GPC6: variants seen among roughly 807,000 people sequenced by gnomAD.
GPC6 encodes glypican-6.
A neutral mutation model predicts 55.2 loss-of-function variants in GPC6; 14 were observed. The ratio of observed to expected loss-of-function variants is 0.25; its 90% CI spans 0.17 to 0.40. The LOEUF is 0.40. Among genes scored for constraint, GPC6 ranks in the 10% least tolerant of loss-of-function variants. The probability of loss-of-function intolerance (pLI) is 1.00; values close to 1 mark genes in which losing one functional copy is unlikely to be tolerated. For synonymous variants in GPC6, 278 were observed against 259.6 expected, an observed-to-expected ratio of 1.07 and a Z score of -0.68; for missense variants, 641 against 708.5, an observed-to-expected ratio of 0.90 and a Z score of 1.08.
At chr13:94,330,310 G>T (rs1312955494) in intron 6 of GPC6, among the ~76,000 whole-genome samples, 2 of 152,200 alleles carry the variant, frequency 1.3e-5, no homozygotes, top group Non-Finnish European at 2.9e-5. Context: ...AAGTGACCTT[G>T]GGCGAGTCAG....
At chr13:93,288,451 C>G (rs1389291242) in intron 1 of GPC6, among the ~76,000 whole-genome samples, 1 of 152,056 alleles carries the variant, frequency 6.6e-6, no homozygotes, top group East Asian at 1.9e-4. Flanking sequence ...GTCTTTAAAA[C>G]TTTCTTTTTT....
At chr13:93,375,035 G>T (rs200120457) in intron 1 of GPC6, among the ~76,000 whole-genome samples, 6 of 152,056 alleles carry the variant, frequency 3.9e-5, no homozygotes. Context: ...TCTTCCATTC[G>T]TCTGTCCCTT....
intron 2 of GPC6, among the ~76,000 whole-genome samples, chr13:93,607,611 A>T (rs1256386400): frequency 1.3e-5 from 2 of 152,182 alleles, no homozygotes; most frequent in East Asian, 3.9e-4. Flanking sequence ...GACATGGCAG[A>T]ATGATGGTGG....
At chr13:93,367,890 A>C (rs1487442441) in intron 1 of GPC6, among the ~76,000 whole-genome samples, 2 of 152,102 alleles carry the variant, frequency 1.3e-5, no homozygotes, top group Non-Finnish European at 2.9e-5. Flanking sequence ...TGAGCTCTTG[A>C]AAAGAATGTG....
At chr13:93,686,543 C>G (rs566759889) in intron 2 of GPC6, among the ~76,000 whole-genome samples, 1 of 152,176 alleles carries the variant, frequency 6.6e-6, no homozygotes, top group South Asian at 2.1e-4. Flanking sequence ...GGCATATAAT[C>G]TTGGTTTCAC....
intron 2 of GPC6, among the ~76,000 whole-genome samples, chr13:93,576,922 T>G (rs1876694548): frequency 6.6e-6 from 1 of 152,172 alleles, no homozygotes; most frequent in Non-Finnish European, 1.5e-5. Flanking sequence ...TATCATGTCT[T>G]ATGATTGAAT....
chr13:93,596,524 A>G (rs1040017310), intron 2 of GPC6, among the ~76,000 whole-genome samples: 16 of 151,470 alleles, frequency 1.1e-4, no homozygotes, highest in Admixed American at 1.1e-3. Flanking sequence ...CGTAATGTTG[A>G]TTCTTATACT....
At chr13:93,360,258 G>A (rs1162353822) in intron 1 of GPC6, among the ~76,000 whole-genome samples, 2 of 152,146 alleles carry the variant, frequency 1.3e-5, no homozygotes, top group African/African-American at 4.8e-5. Flanking sequence ...TTGTGAGATG[G>A]ATTCAGAGAC....
chr13:93,756,190 G>T (rs979075278), intron 2 of GPC6, among the ~76,000 whole-genome samples: 2 of 152,170 alleles, frequency 1.3e-5, no homozygotes, highest in Non-Finnish European at 2.9e-5. Flanking sequence ...TGTCAATCAA[G>T]ATGTTCTTAG....
At chr13:94,293,916 A>G (rs940516653) in intron 5 of GPC6, among the ~76,000 whole-genome samples, 1 of 152,180 alleles carries the variant, frequency 6.6e-6, no homozygotes, top group Non-Finnish European at 1.5e-5. Context: ...TGTTACCCAC[A>G]GCGTACTATA....
chr13:94,139,199 T>C (rs1333579110), intron 4 of GPC6, among the ~76,000 whole-genome samples: 1 of 152,140 alleles, frequency 6.6e-6, no homozygotes, highest in Non-Finnish European at 1.5e-5. Flanking sequence ...ATCCACATTA[T>C]GACATGACTC....
At chr13:94,291,670 A>T (rs1874985941) in intron 5 of GPC6, among the ~76,000 whole-genome samples, 2 of 152,006 alleles carry the variant, frequency 1.3e-5, no homozygotes, top group Admixed American at 6.6e-5. Flanking sequence ...TCTATATTCT[A>T]GCTAAGAACT....
chr13:93,432,771 GT>G (rs1211013665), intron 1 of GPC6, among the ~76,000 whole-genome samples: 2 of 152,028 alleles, frequency 1.3e-5, no homozygotes, highest in Admixed American at 6.6e-5. Context: ...TCCTTTTAAT[GT>G]TTTTGTTAAT....
At chr13:93,407,725 T>C (rs922516396) in intron 1 of GPC6, among the ~76,000 whole-genome samples, 1 of 152,182 alleles carries the variant, frequency 6.6e-6, no homozygotes, top group African/African-American at 2.4e-5. Flanking sequence ...AAGCCTTGGA[T>C]GACAAGGGTT....
chr13:93,342,407 G>T (rs562127848), intron 1 of GPC6, among the ~76,000 whole-genome samples: 1 of 152,242 alleles, frequency 6.6e-6, no homozygotes, highest in Non-Finnish European at 1.5e-5. Context: ...CTTACATGGC[G>T]GCAGGCAAGA....
chr13:93,776,546 C>T (rs563410661), intron 2 of GPC6, among the ~76,000 whole-genome samples: 9 of 151,776 alleles, frequency 5.9e-5, no homozygotes, highest in South Asian at 2.1e-4. Flanking sequence ...TGATATGATC[C>T]GGATCCATCA....
chr13:93,786,695 T>C (rs1188491212), intron 2 of GPC6, among the ~76,000 whole-genome samples: 1 of 152,124 alleles, frequency 6.6e-6, no homozygotes, highest in Non-Finnish European at 1.5e-5. Context: ...ATACACACAG[T>C]TGAAAAACAG....
At chr13:93,666,251 A>T (rs1485074857) in intron 2 of GPC6, among the ~76,000 whole-genome samples, 2 of 152,116 alleles carry the variant, frequency 1.3e-5, no homozygotes, top group Non-Finnish European at 2.9e-5. Flanking sequence ...GAACCTAAAG[A>T]TTCTTGCCAC....
At chr13:93,367,899 T>C (rs762433961) in intron 1 of GPC6, among the ~76,000 whole-genome samples, 3 of 152,142 alleles carry the variant, frequency 2.0e-5, no homozygotes, top group Non-Finnish European at 4.4e-5. Flanking sequence ...GAAAAGAATG[T>C]GTAATCTGCT....
Sources: gnomAD v4.1 joint callset for allele counts (sites outside exome capture counted in the v4.1 genomes callset) on GRCh38, gnomAD v4.1.1 for gene constraint, MANE v1.5 for transcripts, NCBI Gene and HGNC (gene_info 2026-07-23, HGNC 2026-07-21) for gene names.